Variants in AOPEP observed in about 807,000 individuals in gnomAD.
The protein encoded by AOPEP is aminopeptidase O (putative), also known as aminopeptidase O.
Under a neutral mutation model 98.1 loss-of-function variants are expected in AOPEP, and 77 were observed. The ratio of observed to expected loss-of-function variants is 0.78; its 90% CI spans 0.65 to 0.95. AOPEP has a LOEUF of 0.95. Among genes scored for constraint, AOPEP ranks in the 40% least tolerant of loss-of-function variants. AOPEP has a pLI of 0.00. For missense variants in AOPEP, 1,024 were observed against 1,024.7 expected, an observed-to-expected ratio of 1.00 and a Z score of 0.01; for synonymous variants, 346 against 365.3, an observed-to-expected ratio of 0.95 and a Z score of 0.60.
intron 13 of AOPEP, among the ~76,000 whole-genome samples, chr9:95,018,401 C>G (rs892187761): frequency 6.6e-6 from 1 of 152,126 alleles, no homozygotes; most frequent in Non-Finnish European, 1.5e-5. Flanking sequence ...GTCTAGATAC[C>G]TTAATGCTGC....
intron 2 of AOPEP, among the ~76,000 whole-genome samples, chr9:94,762,314 G>A (rs1838515605): frequency 6.6e-6 from 1 of 152,140 alleles, no homozygotes; most frequent in Non-Finnish European, 1.5e-5. Flanking sequence ...GGGCATGGTG[G>A]TGGGCGCCTG....
At chr9:94,729,593 GAAAGA>G (rs1161978047) in intron 1 of AOPEP, among the ~76,000 whole-genome samples, 2 of 137,020 alleles carry the variant, frequency 1.5e-5, no homozygotes, top group African/African-American at 5.3e-5. Context: ...AAAAAAAAAA[GAAAGA>G]AAAGAAGACC....
chr9:95,045,261 G>A (rs967898248), intron 13 of AOPEP, among the ~76,000 whole-genome samples: 5 of 152,222 alleles, frequency 3.3e-5, no homozygotes, highest in Admixed American at 2.0e-4. Context: ...GGGCGGACCC[G>A]TGTCCCGGCA....
At chr9:94,808,092 G>A (rs572469877) in intron 5 of AOPEP, among the ~76,000 whole-genome samples, 42 of 151,258 alleles carry the variant, frequency 2.8e-4, no homozygotes, top group African/African-American at 1.0e-3. Flanking sequence ...GCCCAGGCTG[G>A]AGTGCAGTGG....
chr9:94,900,532 C>T (rs2050252984), intron 5 of AOPEP: 1 of 152,302 alleles, frequency 6.6e-6, no homozygotes, highest in East Asian at 1.9e-4. Flanking sequence ...TCAGGAGAAT[C>T]TCTTGCCTCC....
intron 1 of AOPEP, among the ~76,000 whole-genome samples, chr9:94,729,422 T>C (rs931530768): frequency 4.0e-5 from 6 of 151,716 alleles, no homozygotes; most frequent in Non-Finnish European, 8.8e-5. Flanking sequence ...ATACAAAAAT[T>C]AGCCAGGCAT....
chr9:94,977,469 A>C (rs1298418894), intron 10 of AOPEP, among the ~76,000 whole-genome samples: 4 of 152,122 alleles, frequency 2.6e-5, no homozygotes, highest in Admixed American at 6.6e-5. Flanking sequence ...CTGCTCTGGC[A>C]AATTGCTACT....
intron 1 of AOPEP, among the ~76,000 whole-genome samples, chr9:94,728,302 G>A (rs536441714): frequency 6.6e-5 from 10 of 151,116 alleles, no homozygotes; most frequent in Non-Finnish European, 1.3e-4. Flanking sequence ...GAGATAAATG[G>A]CAAACAAGAT....
chr9:95,148,239 G>A, the AOPEP span, among the ~76,000 whole-genome samples: 29 of 152,332 alleles, frequency 1.9e-4, no homozygotes, highest in Non-Finnish European at 3.7e-4. Context: ...AAAGGAAAGT[G>A]TGCATAAAGC....
intron 5 of AOPEP, among the ~76,000 whole-genome samples, chr9:94,905,721 G>A (rs2051046309): frequency 6.6e-6 from 1 of 152,124 alleles, no homozygotes; most frequent in Non-Finnish European, 1.5e-5. Flanking sequence ...CACTCACAGA[G>A]GACTTCCAGT....
chr9:95,111,594 A>C, the AOPEP span: 1 of 1,614,178 alleles, frequency 6.2e-7, no homozygotes. Flanking sequence ...CATCCTCCGA[A>C]GTGAATGAAC....
intron 2 of AOPEP, among the ~76,000 whole-genome samples, chr9:94,762,915 T>G: frequency 6.6e-6 from 1 of 152,242 alleles, no homozygotes; most frequent in East Asian, 1.9e-4. Context: ...CACAATACTT[T>G]ATGAATATAA....
chr9:95,061,085 T>C (rs547442200), intron 14 of AOPEP: 22 of 294,392 alleles, frequency 7.5e-5, no homozygotes, highest in African/African-American at 4.3e-4. Flanking sequence ...AGTTGTAAAC[T>C]TGGGTGGGTC....
intron 5 of AOPEP, among the ~76,000 whole-genome samples, chr9:94,912,209 C>T (rs1182471571): frequency 6.6e-6 from 1 of 152,100 alleles, no homozygotes; most frequent in Admixed American, 6.5e-5. Flanking sequence ...CAGCTCTGTC[C>T]CCAAAGACCG....
At chr9:95,107,061 C>G in the AOPEP span, 2 of 1,614,170 alleles carry the variant, frequency 1.2e-6, no homozygotes, top group East Asian at 2.2e-5. Context: ...CACAGGGAGA[C>G]TTACCAGGGT....
intron 10 of AOPEP, among the ~76,000 whole-genome samples, chr9:94,975,298 T>G (rs971304368): frequency 1.3e-5 from 2 of 152,180 alleles, no homozygotes; most frequent in African/African-American, 4.8e-5. Flanking sequence ...TATTGTCAAG[T>G]ATAGATGATA....
intron 13 of AOPEP, among the ~76,000 whole-genome samples, chr9:95,039,456 C>T (rs1020664683): frequency 5.3e-5 from 8 of 152,096 alleles, no homozygotes; most frequent in Non-Finnish European, 1.2e-4. Context: ...CCTGTAGTTC[C>T]AGCAACTTGG....
intron 11 of AOPEP, among the ~76,000 whole-genome samples, chr9:94,994,652 T>C (rs1322264002): frequency 6.6e-6 from 1 of 152,210 alleles, no homozygotes; most frequent in Non-Finnish European, 1.5e-5. Context: ...GAGAGCAATG[T>C]AGAAATATCA....
At chr9:94,903,905 A>AAAAAG (rs1554764092) in intron 5 of AOPEP, among the ~76,000 whole-genome samples, 1 of 150,950 alleles carries the variant, frequency 6.6e-6, no homozygotes, top group Admixed American at 6.6e-5. Flanking sequence ...AAAAAAAAAA[A>AAAAAG]AAAAAAAGTT....
Sources: gnomAD v4.1 joint callset for allele counts (sites outside exome capture counted in the v4.1 genomes callset) on GRCh38, gnomAD v4.1.1 for gene constraint, MANE v1.5 for transcripts, NCBI Gene and HGNC (gene_info 2026-07-23, HGNC 2026-07-21) for gene names.